Variants in SLC6A3 observed in about 807,000 individuals in gnomAD.
SLC6A3 encodes the protein solute carrier family 6 member 3.
Under a neutral mutation model 70.4 loss-of-function variants are expected in SLC6A3, and 19 were observed. That is an observed-to-expected ratio of 0.27 (90% CI 0.19 to 0.40). The LOEUF (loss-of-function observed/expected upper bound fraction) is 0.40. Among genes scored for constraint, SLC6A3 ranks in the 10% least tolerant of loss-of-function variants. The probability of loss-of-function intolerance (pLI) is 1.00; values close to 1 mark genes in which losing one functional copy is unlikely to be tolerated. For synonymous variants in SLC6A3, 368 were observed against 356.6 expected (o/e 1.03, Z -0.36); for missense variants, 613 against 838.5 (o/e 0.73, Z 3.32).
Position 1,443,180 on chromosome 5 carries a change from G to A in SLC6A3, c.18C>T (p.Cys6=), listed in dbSNP as rs779845633. The change falls in exon 2 of 15, where the codon TGC becomes TGT. Residue 6 remains cysteine (C), a synonymous_variant. Transcript: ENST00000270349. The part of the protein sequence containing the change: MSKSK[C]SVGLMSSVVA... The stretch of plus-strand genomic sequence containing the variant: ...CCACGGAAGACATGAGTCCCACGGA[G>A]CATTTGCTCTTACTCATGGGCACAC... 2 of 1,614,252 alleles carry A rather than the reference G, an allele frequency of 1.2e-6. No individual in the cohort carries two copies. Among genetic ancestry groups the A allele is most frequent in the Non-Finnish European group, 1.7e-6 (2 of 1,180,036 alleles).
In SLC6A3 at chr5:1,401,394, G is replaced by A. The variant is rs868262707; in HGVS notation, c.1768-408C>T. 7.2e-6 allele frequency: 3 copies of A among 414,024 alleles called. No individual in the cohort carries two copies. The highest frequency in any genetic ancestry group is 6.6e-5 in the East Asian group (1 of 15,112). The allele number at this position is 414,024 out of a possible 1,614,324, so 25.6% of individuals were successfully genotyped here. ...GGGCCACCTGCAGCTGACATATTCC[G>A]GGAGCACTTGCTTTTTGTCACCTGC... On this transcript the variant is annotated intron_variant, in intron 13 of 14. Coordinates refer to ENST00000270349, the MANE Select transcript of SLC6A3 (RefSeq NM_001044.5). The surrounding 1 kb of genome is among the most constrained non-coding windows in gnomAD (Gnocchi z 6.1).
Position 1,421,304 on chromosome 5 carries a change from C to T in SLC6A3, c.792+572G>A, listed in dbSNP as rs926044882. Among the ~76,000 whole-genome samples the T allele has an allele frequency of 6.6e-6, 1 of 151,872 alleles. No homozygotes were observed. Among genetic ancestry groups the T allele is most frequent in the Non-Finnish European group, 1.5e-5 (1 of 67,980 alleles). On this transcript the variant is annotated intron_variant, in intron 5 of 14. Transcript: ENST00000270349. The surrounding 1 kb of genome is among the most constrained non-coding windows in gnomAD (Gnocchi z 7.2). ...GCAATTCTCCTGCCTCAGCCTCCCA[C>T]GTAGCTGGGATTATAGGCACGTGCC...
chr5:1,413,737 G>C lies in SLC6A3; in HGVS notation c.1156+954C>G, dbSNP rs916259641. On this transcript the variant is annotated intron_variant, in intron 8 of 14. Coordinates refer to ENST00000270349, the MANE Select transcript of SLC6A3 (RefSeq NM_001044.5). The surrounding 1 kb of genome is among the most constrained non-coding windows in gnomAD (Gnocchi z 7.1). Reference sequence around the variant, plus strand: ...AGAGCAGGCCGGGAGGCAGGCGGGGGCTCTGCTGGCTGACAGAGACCGAGA... The same window carrying C: ...AGAGCAGGCCGGGAGGCAGGCGGGGCCTCTGCTGGCTGACAGAGACCGAGA... 5.3e-5 allele frequency among the ~76,000 whole-genome samples: 8 copies of C among 152,150 alleles called. No homozygotes were observed. The highest frequency in any genetic ancestry group is 5.2e-4 in the Admixed American group (8 of 15,284).
chr5:1,420,796 T>C, intron 5 of SLC6A3, 93 bp from the exon 6 acceptor site: 1 of 1,389,600 alleles, frequency 7.2e-7, no homozygotes, highest in Non-Finnish European at 1.0e-6. Flanking sequence ...CCTGACGGCT[T>C]GTCCTCTGAT....
chr5:1,440,172 T>C (rs1756940672), intron 3 of SLC6A3, among the ~76,000 whole-genome samples: 1 of 152,144 alleles, frequency 6.6e-6, no homozygotes, highest in East Asian at 1.9e-4. Context: ...GATTAATCCA[T>C]ACATAGATGA....
In SLC6A3 at chr5:1,438,576, C is replaced by T. The variant is rs893332398; in HGVS notation, c.418+2783G>A. Among the ~76,000 whole-genome samples the T allele has an allele frequency of 6.6e-6, 1 of 152,218 alleles. No homozygotes were observed. Among genetic ancestry groups the T allele is most frequent in the Non-Finnish European group, 1.5e-5 (1 of 68,034 alleles). On this transcript the variant is annotated intron_variant, in intron 3 of 14. Coordinates refer to ENST00000270349, the MANE Select transcript of SLC6A3 (RefSeq NM_001044.5). This position sits in a 1 kb window ranked among gnomAD's most constrained non-coding sequence, Gnocchi z 6.5. ...TTTTATGGACTACACCATGAAGACC[C>T]ACAACGGCAGCTTTGTTGGTGAACA...
rs1303228689 is a variant in SLC6A3 at position 1,394,560 on chromosome 5, CA to C, written c.*174del. The C allele has an allele frequency of 6.8e-6, 5 of 736,290 alleles. No homozygotes were observed. The African/African-American group carries it at 8.6e-5, about 13-fold the overall frequency. The allele number at this position is 736,290 out of a possible 1,614,324, so 45.6% of individuals were successfully genotyped here. On this transcript the variant is annotated 3_prime_UTR_variant, in exon 15 of 15. Coordinates refer to ENST00000270349, the MANE Select transcript of SLC6A3 (RefSeq NM_001044.5). The surrounding 1 kb of genome is among the most constrained non-coding windows in gnomAD (Gnocchi z 4.7). Reference sequence around the variant, plus strand: ...AAGACACGGCGAGGTGCGCTCCCGGCACGGAAAGGTGTAAACAGTCAGAAGA... The same window carrying C: ...AAGACACGGCGAGGTGCGCTCCCGGCCGGAAAGGTGTAAACAGTCAGAAGA...
intron 14 of SLC6A3, among the ~76,000 whole-genome samples, chr5:1,399,875 C>T (rs1443728413): frequency 6.6e-6 from 1 of 152,200 alleles, no homozygotes; most frequent in African/African-American, 2.4e-5. Context: ...TGCCTGACGT[C>T]ACCACCCACC....
chr5:1,421,814 G>A lies in SLC6A3; in HGVS notation c.792+62C>T, dbSNP rs955452541. 1.6e-5 allele frequency: 26 copies of A among 1,587,894 alleles called. No homozygotes were observed. Among genetic ancestry groups the A allele is most frequent in the South Asian group, 7.7e-5 (7 of 90,564 alleles). ...ACACGTGCACCTCCTGTCCAGCCACGGCCACATGTCCACTTGGTGGCCCCA... is the reference window on the plus strand; with the variant it reads ...ACACGTGCACCTCCTGTCCAGCCACAGCCACATGTCCACTTGGTGGCCCCA... On this transcript the variant is annotated intron_variant, in intron 5 of 14. Coordinates refer to ENST00000270349, the MANE Select transcript of SLC6A3 (RefSeq NM_001044.5). This position sits in a 1 kb window ranked among gnomAD's most constrained non-coding sequence, Gnocchi z 7.2.
chr5:1,400,735 C>T (rs189389078), intron 14 of SLC6A3, among the ~76,000 whole-genome samples, 180 bp downstream of exon 14: 8 of 152,310 alleles, frequency 5.3e-5, no homozygotes, highest in African/African-American at 1.4e-4. Context: ...CCCCCCGTCC[C>T]GGGCACACGT....
At position 1,411,174 on chromosome 5, in the gene SLC6A3, G is replaced by T; in HGVS notation, c.1269+69C>A. 9.1e-7 allele frequency: 1 copy of T among 1,101,012 alleles called. No individual in the cohort carries two copies. The highest frequency in any genetic ancestry group is 1.4e-6 in the Non-Finnish European group (1 of 739,746). 68.2% of individuals were successfully genotyped at this position (1,101,012 alleles called of 1,614,324 possible). On this transcript the variant is annotated intron_variant, in intron 9 of 14. Coordinates refer to ENST00000270349, the MANE Select transcript of SLC6A3 (RefSeq NM_001044.5). This position sits in a 1 kb window ranked among gnomAD's most constrained non-coding sequence, Gnocchi z 6.5. ...CCAGGGATCTTGCCTAGCCCTGGGAGGGCAGGGCCCCCTCGGGTGGAAGGA... is the reference window on the plus strand; with the variant it reads ...CCAGGGATCTTGCCTAGCCCTGGGATGGCAGGGCCCCCTCGGGTGGAAGGA...
Position 1,443,011 on chromosome 5 carries a change from AG to A in SLC6A3, c.186del (p.Trp63GlyfsTer76). On this transcript the variant is annotated frameshift_variant, in exon 2 of 15. Coordinates refer to ENST00000270349, the MANE Select transcript of SLC6A3 (RefSeq NM_001044.5). LOFTEE classifies it high-confidence loss of function. ...QSPVEAQDRE[T>X]WGKKIDFLLS... Reference sequence around the variant, plus strand: ...AGGAGAAAGTCGATCTTCTTGCCCCAGGTCTCCCGATCCTGGGCCTCCACGG... The same window carrying A: ...AGGAGAAAGTCGATCTTCTTGCCCCAGTCTCCCGATCCTGGGCCTCCACGG... The A allele has an allele frequency of 6.2e-7, 1 of 1,614,176 alleles. No homozygotes were observed. The highest frequency in any genetic ancestry group is 1.3e-5 in the African/African-American group (1 of 75,052).
At chr5:1,432,331 G>C in intron 4 of SLC6A3, 133 bp downstream of exon 4, 2 of 723,868 alleles carry the variant, frequency 2.8e-6, no homozygotes. Context: ...GCACTAAAGG[G>C]ATGGAGTGCA....
chr5:1,423,344 A>G (rs368273), intron 4 of SLC6A3, among the ~76,000 whole-genome samples: 13 of 146,836 alleles, frequency 8.9e-5, no homozygotes, highest in African/African-American at 3.1e-4. Context: ...CGCTGCCCAC[A>G]GTGCTGCCCA....
chr5:1,407,999 CA>C (rs1300863724), intron 11 of SLC6A3, among the ~76,000 whole-genome samples: 1 of 131,488 alleles, frequency 7.6e-6, no homozygotes, highest in Non-Finnish European at 1.6e-5. Flanking sequence ...CGGATCCACA[CA>C]TTTTTTTTTT....
chr5:1,432,842 C>T, intron 3 of SLC6A3, 144 bp from the exon 4 acceptor site: 2 of 678,814 alleles, frequency 2.9e-6, no homozygotes, highest in Non-Finnish European at 5.2e-6. Context: ...ACAGCATCTT[C>T]AAACATGCAG....
In SLC6A3 at chr5:1,442,892, G is replaced by A. The variant is rs8179023; in HGVS notation, c.286+20C>T. On this transcript the variant is annotated intron_variant, in intron 2 of 14. Coordinates refer to ENST00000270349, the MANE Select transcript of SLC6A3 (RefSeq NM_001044.5). The surrounding 1 kb of genome is among the most constrained non-coding windows in gnomAD (Gnocchi z 5.0). ...CCCCCGCCCGGCCAGCATGCTCAGG[G>A]AGGCTGAGATGGGACTTACCGCCAC... 3.1e-6 allele frequency: 5 copies of A among 1,613,966 alleles called. No homozygotes were observed. Among genetic ancestry groups the A allele is most frequent in the Non-Finnish European group, 4.2e-6 (5 of 1,179,938 alleles).
intron 3 of SLC6A3, 38 bp from the exon 4 acceptor site, chr5:1,432,736 G>A: frequency 1.4e-6 from 2 of 1,460,946 alleles, no homozygotes; most frequent in Non-Finnish European, 1.9e-6. Flanking sequence ...CCACGCAGGT[G>A]GAGCACAGAG....
chr5:1,421,840 T>C lies in SLC6A3; in HGVS notation c.792+36A>G. ...GCCACATGTCCACTTGGTGGCCCCA[T>C]GTCTACAGGCCCAATTGGTGACCCC... On this transcript the variant is annotated intron_variant, in intron 5 of 14. Coordinates refer to ENST00000270349, the MANE Select transcript of SLC6A3 (RefSeq NM_001044.5). The surrounding 1 kb of genome is among the most constrained non-coding windows in gnomAD (Gnocchi z 7.2). 6.2e-7 allele frequency: 1 copy of C among 1,611,608 alleles called. No individual in the cohort carries two copies. The highest frequency in any genetic ancestry group is 8.5e-7 in the Non-Finnish European group (1 of 1,178,924).
Sources: allele counts gnomAD v4.1 joint callset (sites outside exome capture counted in the v4.1 genomes callset), GRCh38; gene constraint gnomAD v4.1.1; non-coding constraint Gnocchi (gnomAD v3.1); transcripts MANE v1.5; gene names NCBI Gene and HGNC (gene_info 2026-07-23, HGNC 2026-07-21).